DIP2C: variants seen among roughly 807,000 people sequenced by gnomAD.
The protein encoded by DIP2C is disco-interacting protein 2 homolog C.
DIP2C carries 33 observed loss-of-function variants against 192.4 expected under a neutral mutation model. The observed-to-expected ratio is 0.17, with a 90% CI of 0.13 to 0.23. DIP2C has a LOEUF of 0.23. Among genes scored for constraint, DIP2C ranks in the 10% least tolerant of loss-of-function variants. The pLI is 1.00. For missense variants in DIP2C, 1,537 were observed against 2,110.1 expected, an observed-to-expected ratio of 0.73 and a Z score of 5.32; for synonymous variants, 979 against 864.1, an observed-to-expected ratio of 1.13 and a Z score of -2.33.
At chr10:336,559 A>C (rs1466129458) in intron 29 of DIP2C, among the ~76,000 whole-genome samples, 1 of 152,214 alleles carries the variant, frequency 6.6e-6, no homozygotes, top group Non-Finnish European at 1.5e-5. Flanking sequence ...TACACAACTT[A>C]ATACTTTAAC....
chr10:390,693 T>C (rs1396765531), intron 11 of DIP2C, 47 bp downstream of exon 11: 32 of 1,587,794 alleles, frequency 2.0e-5, no homozygotes, highest in Non-Finnish European at 2.7e-5. Flanking sequence ...ACCCGTCTTC[T>C]GACAAAGGAC....
intron 10 of DIP2C, 91 bp from the exon 11 acceptor site, chr10:390,954 C>T (rs1212532583): frequency 3.3e-6 from 5 of 1,535,340 alleles, no homozygotes; most frequent in Admixed American, 1.9e-5. Flanking sequence ...CACAGACCCT[C>T]GAGTCTGCAG....
At chr10:435,958 C>CGT (rs1967147573) in intron 4 of DIP2C, among the ~76,000 whole-genome samples, 1 of 151,538 alleles carries the variant, frequency 6.6e-6, no homozygotes, top group Non-Finnish European at 1.5e-5. Context: ...TTTGTAGCCT[C>CGT]ATATATATAT....
chr10:312,892 TTCTC>T (rs1192136066), intron 31 of DIP2C, among the ~76,000 whole-genome samples: 2 of 152,206 alleles, frequency 1.3e-5, no homozygotes, highest in South Asian at 2.1e-4. Flanking sequence ...TAAGTCAACA[TTCTC>T]TCTAAATTAT....
chr10:503,504 A>C (rs1454823375), intron 1 of DIP2C, among the ~76,000 whole-genome samples: 1 of 152,234 alleles, frequency 6.6e-6, no homozygotes, highest in African/African-American at 2.4e-5. Context: ...AAGGGCTACA[A>C]AGATGTATCT....
At position 369,510 on chromosome 10, in the gene DIP2C, G is replaced by A; in HGVS notation, c.2115C>T (p.Gly705=). Residue 705 remains glycine (G), a synonymous_variant, in exon 18 of 37, where the codon GGC becomes GGT. Transcript: ENST00000280886. ...KLSVLTVQDV[G]LVMPGAIMCS... ...CACACTCACCTCCAGGCATCACGAG[G>A]CCGACATCCTGCACGGTGAGCACGG... 1 of 1,552,464 alleles carries A rather than the reference G, an allele frequency of 6.4e-7. No homozygotes were observed. Among genetic ancestry groups the A allele is most frequent in the Non-Finnish European group, 8.7e-7 (1 of 1,145,906 alleles).
At chr10:624,608 G>A (rs1456896238) in intron 1 of DIP2C, among the ~76,000 whole-genome samples, 1 of 152,208 alleles carries the variant, frequency 6.6e-6, no homozygotes, top group East Asian at 1.9e-4. Flanking sequence ...GATGTGGCTG[G>A]AGTCTCTCCA....
At chr10:447,874 A>G (rs12779781) in intron 3 of DIP2C, among the ~76,000 whole-genome samples, 3 of 76,740 alleles carry the variant, frequency 3.9e-5, no homozygotes, top group Non-Finnish European at 4.3e-5. Context: ...CATTCCCATT[A>G]ATAATCAGGA....
chr10:448,119 C>T (rs372546948), intron 3 of DIP2C, among the ~76,000 whole-genome samples: 319 of 128,624 alleles, frequency 2.5e-3, no homozygotes, highest in East Asian at 5.8e-3. Context: ...CCACTCATCC[C>T]CATCTATACT....
At chr10:310,625 G>A (rs1045053805) in intron 31 of DIP2C, among the ~76,000 whole-genome samples, 45 of 151,526 alleles carry the variant, frequency 3.0e-4, no homozygotes, top group African/African-American at 1.1e-3. Context: ...TTCCGGCCAA[G>A]ACACAGGTCA....
At chr10:480,186 C>T (rs1843493230) in intron 2 of DIP2C, among the ~76,000 whole-genome samples, 1 of 147,292 alleles carries the variant, frequency 6.8e-6, no homozygotes, top group South Asian at 2.2e-4. Flanking sequence ...AGCCCCGGTC[C>T]ATGCTCACTG....
rs1158020521 is a variant in DIP2C, at chr10:440,774, C to T, written c.394+97G>A. ...GTTCACAAAATCTGCATTACTGCTT[C>T]ATTATTTTGAAAGCAAAAACCCCTG... On this transcript the variant is annotated intron_variant, in intron 4 of 36. Coordinates refer to ENST00000280886, the MANE Select transcript of DIP2C (RefSeq NM_014974.3). 4.0e-6 allele frequency: 6 copies of T among 1,488,382 alleles called. No individual in the cohort carries two copies. The African/African-American group carries it at 8.4e-5, about 21-fold the overall frequency. The allele number at this position is 1,488,382 out of a possible 1,614,324, so 92.2% of individuals were successfully genotyped here.
intron 10 of DIP2C, among the ~76,000 whole-genome samples, chr10:395,906 C>T (rs1963948968): frequency 6.6e-6 from 1 of 152,220 alleles, no homozygotes; most frequent in South Asian, 2.1e-4. Context: ...AATGTCCCCA[C>T]ACTGTTCTCC....
chr10:631,262 C>T lies in DIP2C; in HGVS notation c.85+58232G>A, dbSNP rs558096546. On this transcript the variant is annotated intron_variant, in intron 1 of 36. Coordinates refer to ENST00000280886, the MANE Select transcript of DIP2C (RefSeq NM_014974.3). ...ATCTCAGTTTTCAAAGCACCACGTG[C>T]CTTGGTACTTTCTCCTTATTACATG... 1.5e-4 allele frequency: 23 copies of T among 152,332 alleles called. 1 individual carries two copies. The South Asian group carries it at 3.9e-3, about 26-fold the overall frequency. The allele number at this position is 152,332 out of a possible 1,614,324, so 9.4% of individuals were successfully genotyped here. A position where few individuals can be genotyped will look rare whatever the true frequency, so the allele number is the denominator to read the frequency against.
chr10:389,604 G>C (rs1963292421), intron 13 of DIP2C, among the ~76,000 whole-genome samples: 2 of 152,212 alleles, frequency 1.3e-5, no homozygotes, highest in Admixed American at 6.5e-5. Context: ...CTGAAGCCCA[G>C]GCCCCGGCGT....
At chr10:585,539 A>G (rs1850966171) in intron 1 of DIP2C, among the ~76,000 whole-genome samples, 1 of 152,230 alleles carries the variant, frequency 6.6e-6, no homozygotes, top group Non-Finnish European at 1.5e-5. Context: ...ACACATCCTG[A>G]AGCTCCAACA....
chr10:659,443 T>G (rs1049285793), intron 1 of DIP2C, among the ~76,000 whole-genome samples: 1 of 152,232 alleles, frequency 6.6e-6, no homozygotes, highest in African/African-American at 2.4e-5. Flanking sequence ...ACAAAATGGT[T>G]TATCCCCCAA....
Position 689,355 on chromosome 10 carries a change from C to A in DIP2C, c.85+139G>T. On this transcript the variant is annotated intron_variant, in intron 1 of 36. Transcript: ENST00000280886. This position sits in a 1 kb window ranked among gnomAD's most constrained non-coding sequence, Gnocchi z 6.1. ...GCGCGGGGTCTGGGGGTCCGGGGGA[C>A]GCGCACGCTCCGGGCTGGGGTCGCA... 2 of 349,148 alleles carry A rather than the reference C, an allele frequency of 5.7e-6. No homozygotes were observed. Among genetic ancestry groups the A allele is most frequent in the Non-Finnish European group, 8.1e-6 (2 of 246,468 alleles). 21.6% of individuals were successfully genotyped at this position (349,148 alleles called of 1,614,324 possible).
chr10:366,406 T>C lies in DIP2C; in HGVS notation c.2137A>G (p.Met713Val). The change falls in exon 19 of 37, where the codon ATG becomes GTG. Residue 713 changes from methionine to valine, a missense_variant. Met to Val is a conservative substitution (Grantham distance 21). Coordinates refer to ENST00000280886, the MANE Select transcript of DIP2C (RefSeq NM_014974.3). ...ACCCCGTCTGGCTTCACTGAACACATGATGGCTAAAAGCAAACAGGAAAGC... is the reference window on the plus strand; with the variant it reads ...ACCCCGTCTGGCTTCACTGAACACACGATGGCTAAAAGCAAACAGGAAAGC... ...DVGLVMPGAI[M>V]CSVKPDGVPQ... 6.2e-7 allele frequency: 1 copy of C among 1,614,162 alleles called. No individual in the cohort carries two copies. The highest frequency in any genetic ancestry group is 1.1e-5 in the South Asian group (1 of 91,076).
Sources: gnomAD v4.1 joint callset for allele counts (sites outside exome capture counted in the v4.1 genomes callset) on GRCh38, gnomAD v4.1.1 for gene constraint, Gnocchi (gnomAD v3.1) non-coding constraint, MANE v1.5 for transcripts, NCBI Gene and HGNC (gene_info 2026-07-23, HGNC 2026-07-21) for gene names.